Variants in LDB3 observed in about 807,000 individuals in gnomAD.
LDB3 encodes the protein LIM domain binding 3, also known as LIM domain-binding protein 3.
A neutral mutation model predicts 69.0 loss-of-function variants in LDB3; 49 were observed. The observed-to-expected ratio is 0.71, with a 90% CI of 0.56 to 0.90. The LOEUF is 0.90. Ranked by LOEUF, LDB3 falls within the 40% of genes least tolerant of loss-of-function variation. The pLI, the probability that LDB3 is intolerant of heterozygous loss-of-function variation, is 0.00. For missense variants in LDB3, 928 were observed against 974.1 expected (o/e 0.95, Z 0.63); for synonymous variants, 387 against 396.2 (o/e 0.98, Z 0.28).
chr10:86,725,311 C>T (rs1847217379), intron 12 of LDB3, among the ~76,000 whole-genome samples: 1 of 152,150 alleles, frequency 6.6e-6, no homozygotes, highest in Non-Finnish European at 1.5e-5. Flanking sequence ...CCCTTCACCT[C>T]TTTGAGTCTC....
chr10:86,683,862 C>T (rs567579939), intron 5 of LDB3, among the ~76,000 whole-genome samples: 1 of 152,358 alleles, frequency 6.6e-6, no homozygotes, highest in East Asian at 1.9e-4. Flanking sequence ...GCACCTTAGA[C>T]TCATGACCCG....
chr10:86,681,638 AG>A lies in LDB3; in HGVS notation c.529del (p.Ala177ProfsTer31), dbSNP rs730880345. 1.2e-6 allele frequency: 2 copies of A among 1,613,150 alleles called. No homozygotes were observed. The highest frequency in any genetic ancestry group is 1.7e-6 in the Non-Finnish European group (2 of 1,179,818). ...RASLRAKTSP[E>X]GARDLLGPKA... ...AGCCTGAGGGCCAAGACCAGCCCAG[AG>A]GGGGCCCGGGACCTACTCGGCCCAA... On this transcript the variant is annotated frameshift_variant, in exon 5 of 14. Transcript: ENST00000361373. LOFTEE classifies it high-confidence loss of function.
chr10:86,706,386 C>A, intron 7 of LDB3, 145 bp from the exon 8 acceptor site: 1 of 883,108 alleles, frequency 1.1e-6, no homozygotes, highest in Non-Finnish European at 1.9e-6. Flanking sequence ...AAGACACACC[C>A]TCTGAGGATC....
intron 5 of LDB3, among the ~76,000 whole-genome samples, chr10:86,685,177 C>A (rs989198869): frequency 9.9e-5 from 15 of 152,190 alleles, no homozygotes; most frequent in Admixed American, 5.9e-4. Flanking sequence ...GCACACCCTG[C>A]CTCCTTACCA....
rs538086736 is a variant in LDB3, at chr10:86,718,206, G to A, written c.1857+62G>A. On this transcript the variant is annotated intron_variant, in intron 11 of 13. Coordinates refer to ENST00000361373, the MANE Select transcript of LDB3 (RefSeq NM_007078.3). ...TCTTCCCCAGCCCTTCCCCAAGATC[G>A]TGGGATCCCATTAGGAAGCCAAGAA... 4.5e-4 allele frequency: 689 copies of A among 1,517,656 alleles called. 9 individuals are homozygous for A. In the South Asian group the frequency reaches 7.3e-3, roughly 16 times the overall value. The allele number at this position is 1,517,656 out of a possible 1,614,324, so 94.0% of individuals were successfully genotyped here. A position where few individuals can be genotyped will look rare whatever the true frequency, so the allele number is the denominator to read the frequency against.
rs753314972 is a variant in LDB3, at chr10:86,668,747, G to C, written c.56G>C (p.Gly19Ala). 1.8e-5 allele frequency: 29 copies of C among 1,613,198 alleles called. No individual in the cohort carries two copies. Among genetic ancestry groups the C allele is most frequent in the Non-Finnish European group, 2.3e-5 (27 of 1,180,006 alleles). Residue 19 changes from glycine (G) to alanine (A), a missense_variant, in exon 2 of 14, where the codon GGG becomes GCG. Transcript: ENST00000361373. ...GGGCCCTGGGGCTTCCGTCTGCAGG[G>C]GGGCAAGGACTTCAACATGCCCCTC... ...GPGPWGFRLQ[G>A]GKDFNMPLTI...
intron 12 of LDB3, among the ~76,000 whole-genome samples, chr10:86,719,474 A>G (rs896385308): frequency 6.6e-6 from 1 of 151,870 alleles, no homozygotes; most frequent in Admixed American, 6.6e-5. Context: ...TTTGGAGACC[A>G]CAAGGTCTAG....
intron 12 of LDB3, among the ~76,000 whole-genome samples, chr10:86,724,642 AAAATAAATAGAT>A (rs1452662739): frequency 6.6e-6 from 1 of 151,524 alleles, no homozygotes; most frequent in African/African-American, 2.4e-5. Context: ...ATAAATAAAT[AAAATAAATAGAT>A]AAATAAATAG....
Position 86,707,521 on chromosome 10 carries a change from C to T in LDB3, c.1085+802C>T, listed in dbSNP as rs1273452539. On this transcript the variant is annotated intron_variant, in intron 8 of 13. Coordinates refer to ENST00000361373, the MANE Select transcript of LDB3 (RefSeq NM_007078.3). ...GCAGAGAGGCCAGGCTGACAGGTCACTCTGCAGTGGCCATGTGGCGCATCA... is the reference window on the plus strand; with the variant it reads ...GCAGAGAGGCCAGGCTGACAGGTCATTCTGCAGTGGCCATGTGGCGCATCA... 3.9e-5 allele frequency among the ~76,000 whole-genome samples: 6 copies of T among 152,154 alleles called. No homozygotes were observed. In the South Asian group the frequency reaches 6.2e-4, roughly 16 times the overall value.
chr10:86,681,370 C>T (rs993236787), intron 4 of LDB3, 66 bp from the exon 5 acceptor site: 8 of 1,592,864 alleles, frequency 5.0e-6, no homozygotes, highest in South Asian at 1.1e-5. Context: ...CACGCAGGAG[C>T]GCTGGGACGC....
intron 7 of LDB3, among the ~76,000 whole-genome samples, chr10:86,697,832 A>G (rs959006237): frequency 2.4e-4 from 36 of 152,198 alleles, no homozygotes; most frequent in African/African-American, 8.7e-4. Flanking sequence ...GATTACAGGC[A>G]TGAGCCACCA....
At chr10:86,714,657 G>C (rs561451694) in intron 9 of LDB3, among the ~76,000 whole-genome samples, 1 of 149,656 alleles carries the variant, frequency 6.7e-6, no homozygotes, top group Non-Finnish European at 1.5e-5. Context: ...CTGGGTTCAC[G>C]CCATTCTCCT....
intron 13 of LDB3, among the ~76,000 whole-genome samples, chr10:86,732,076 C>A (rs1489276124): frequency 2.0e-5 from 3 of 148,458 alleles, no homozygotes; most frequent in Non-Finnish European, 4.5e-5. Flanking sequence ...AACACCTGGC[C>A]TCAAACGATC....
intron 2 of LDB3, among the ~76,000 whole-genome samples, chr10:86,669,764 G>A (rs577401609): frequency 6.6e-6 from 1 of 152,390 alleles, no homozygotes; most frequent in African/African-American, 2.4e-5. Context: ...TGACCGTGCT[G>A]TTCCGGGCAC....
intron 2 of LDB3, among the ~76,000 whole-genome samples, chr10:86,676,767 G>A (rs967296813): frequency 6.6e-6 from 1 of 152,230 alleles, no homozygotes; most frequent in Non-Finnish European, 1.5e-5. Context: ...GAGCCCATCT[G>A]GGAATGGGCT....
At chr10:86,669,688 C>G (rs905254315) in intron 2 of LDB3, among the ~76,000 whole-genome samples, 5 of 152,226 alleles carry the variant, frequency 3.3e-5, no homozygotes, top group Admixed American at 1.3e-4. Context: ...GGCTGAAGGC[C>G]CCAAGGCTCA....
intron 5 of LDB3, chr10:86,687,224 T>C: frequency 6.2e-7 from 1 of 1,614,192 alleles, no homozygotes; most frequent in Non-Finnish European, 8.5e-7. Flanking sequence ...GATGCCATCA[T>C]GGATGCCATC....
In LDB3 at chr10:86,681,581, C is replaced by T. The variant is rs1243384140; in HGVS notation, c.467C>T (p.Ala156Val). The change falls in exon 5 of 14, where the codon GCC (alanine) becomes GTC (valine). Residue 156 changes from alanine to valine, a missense_variant. Physicochemically the swap from Ala to Val is moderately conservative, Grantham distance 64 (BLOSUM62 0). Transcript: ENST00000361373. ...FSRPSAFSSLAEASDPGPPRA... is the reference protein window; with the variant it reads ...FSRPSAFSSLVEASDPGPPRA... ...CGGCCCTCCGCCTTCTCCTCACTCG[C>T]CGAGGCCTCTGACCCTGGCCCTCCG... is the stretch of plus-strand genomic sequence containing the variant. 7.4e-6 allele frequency: 12 copies of T among 1,612,942 alleles called. No individual in the cohort carries two copies. The highest frequency in any genetic ancestry group is 9.3e-6 in the Non-Finnish European group (11 of 1,179,798).
chr10:86,723,136 G>C (rs1023483782), intron 12 of LDB3, among the ~76,000 whole-genome samples: 2 of 151,656 alleles, frequency 1.3e-5, no homozygotes, highest in Non-Finnish European at 2.9e-5. Context: ...CGACCGTGGT[G>C]GTGCACACCT....
Sources: gnomAD v4.1 joint callset for allele counts (sites outside exome capture counted in the v4.1 genomes callset) on GRCh38, gnomAD v4.1.1 for gene constraint, MANE v1.5 for transcripts, NCBI Gene and HGNC (gene_info 2026-07-23, HGNC 2026-07-21) for gene names.